ZNF12: variants seen among roughly 807,000 people sequenced by gnomAD.
ZNF12 encodes the protein gonadotropin inducible transcription repressor 3.
A neutral mutation model predicts 66.6 loss-of-function variants in ZNF12; 34 were observed. The observed-to-expected ratio is 0.51, with a 90% CI of 0.39 to 0.68. ZNF12 has a LOEUF of 0.68. ZNF12 is among the 30% of genes least tolerant of loss of function. The pLI, the probability that ZNF12 is intolerant of heterozygous loss-of-function variation, is 0.00. For missense variants in ZNF12, 697 were observed against 826.9 expected, an observed-to-expected ratio of 0.84 and a Z score of 1.93; for synonymous variants, 320 against 278.9, an observed-to-expected ratio of 1.15 and a Z score of -1.47.
intron 1 of ZNF12, 43 bp downstream of exon 1, chr7:6,706,389 A>C (rs1425715286): frequency 6.5e-6 from 3 of 459,884 alleles, no homozygotes; most frequent in Non-Finnish European, 1.3e-5. Context: ...CGGTGACTTC[A>C]CCCAGGCCCT....
In ZNF12 at chr7:6,698,010, C is replaced by CA. The variant is rs568050970; in HGVS notation, c.16-200dup. ...TATACATCAAACAAAAAACAAAAAA[C>CA]AAAAAAACAACACTGGGATTGCACG... On this transcript the variant is annotated intron_variant, in intron 2 of 4. Transcript: ENST00000405858. The surrounding 1 kb of genome is among the most constrained non-coding windows in gnomAD (Gnocchi z 4.4). The CA allele has an allele frequency of 5.6e-4, 441 of 789,476 alleles. 2 individuals are homozygous for CA. The highest frequency in any genetic ancestry group is 5.3e-3 in the African/African-American group (313 of 59,402). The allele number at this position is 789,476 out of a possible 1,614,324, so 48.9% of individuals were successfully genotyped here. A position where few individuals can be genotyped will look rare whatever the true frequency, so the allele number is the denominator to read the frequency against.
rs1353928913 is a variant in ZNF12 at position 6,696,274 on chromosome 7, T to C, written c.238+1065A>G. Among the ~76,000 whole-genome samples the C allele has an allele frequency of 6.6e-6, 1 of 152,172 alleles. No individual in the cohort carries two copies. The highest frequency in any genetic ancestry group is 1.5e-5 in the Non-Finnish European group (1 of 68,034). ...CAGTAATCCAGAGAGATCAGTAATA[T>C]CTGATGAGAATTTCAGTGGTTTCAC... On this transcript the variant is annotated intron_variant, in intron 4 of 4. Transcript: ENST00000405858. This position sits in a 1 kb window ranked among gnomAD's most constrained non-coding sequence, Gnocchi z 4.0.
chr7:6,701,169 G>C (rs956635267), intron 2 of ZNF12, among the ~76,000 whole-genome samples: 20 of 152,122 alleles, frequency 1.3e-4, no homozygotes, highest in African/African-American at 4.8e-4. Context: ...TCAGACTTCT[G>C]CTTCATCATC....
chr7:6,706,586 T>G lies in ZNF12; in HGVS notation c.-205A>C, dbSNP rs764169488. 1 of 458,382 alleles carries G rather than the reference T, an allele frequency of 2.2e-6. No homozygotes were observed. Among genetic ancestry groups the G allele is most frequent in the Admixed American group, 2.3e-5 (1 of 42,818 alleles). The allele number at this position is 458,382 out of a possible 1,614,324, so 28.4% of individuals were successfully genotyped here. A position where few individuals can be genotyped will look rare whatever the true frequency, so the allele number is the denominator to read the frequency against. On this transcript the variant is annotated 5_prime_UTR_variant, in exon 1 of 5. Transcript: ENST00000405858. ...GCCCGGGCCGGGCCTACGGGACAAA[T>G]CCAGGCGGGGCGTCCCTCCCGGAGC...
At chr7:6,695,375 A>T (rs1225299431) in intron 4 of ZNF12, among the ~76,000 whole-genome samples, 1 of 152,136 alleles carries the variant, frequency 6.6e-6, no homozygotes, top group Non-Finnish European at 1.5e-5. Flanking sequence ...TGACCCAGGC[A>T]TGCATTATTT....
chr7:6,700,336 C>CACACACATATAT (rs59783256), intron 2 of ZNF12, among the ~76,000 whole-genome samples: 22 of 143,070 alleles, frequency 1.5e-4, no homozygotes, highest in Admixed American at 3.5e-4. Flanking sequence ...CACACACACA[C>CACACACATATAT]ATATATATAC....
intron 2 of ZNF12, among the ~76,000 whole-genome samples, chr7:6,701,263 A>G (rs1459630556): frequency 1.3e-5 from 2 of 152,240 alleles, no homozygotes; most frequent in African/African-American, 2.4e-5. Flanking sequence ...TCCAAGGAGA[A>G]CATAAGCACC....
Position 6,692,461 on chromosome 7 carries a change from C to T in ZNF12, c.481G>A (p.Ala161Thr), listed in dbSNP as rs1421195146. Residue 161 changes from alanine to threonine, a missense_variant, in exon 5 of 5, where the codon GCA becomes ACA. This residue lies in a region of ZNF12 where 241 missense variants were observed against 224.0 expected (regional missense o/e 1.08). Transcript: ENST00000405858. This position sits in a 1 kb window ranked among gnomAD's most constrained non-coding sequence, Gnocchi z 5.1. ...CTACATTCATCAGCTTTCATTCTTG[C>T]ATAGCTTCCATCACTACTAATATAT... Reference protein sequence around the residue: ...SEYISSDGSYARMKADECSGC... With the variant: ...SEYISSDGSYTRMKADECSGC... The T allele has an allele frequency of 6.2e-7, 1 of 1,612,946 alleles. No individual in the cohort carries two copies. Among genetic ancestry groups the T allele is most frequent in the South Asian group, 1.1e-5 (1 of 90,826 alleles).
Position 6,692,041 on chromosome 7 carries a change from G to C in ZNF12, c.901C>G (p.Gln301Glu), listed in dbSNP as rs61731528. The C allele has an allele frequency of 0.031, 49,435 of 1,608,326 alleles. 887 individuals carry two copies. Among genetic ancestry groups the C allele is most frequent in the Middle Eastern group, 0.073 (442 of 6,046 alleles). Residue 301 changes from glutamine to glutamate, a missense_variant, in exon 5 of 5, where the codon CAG becomes GAG. Around this residue, in one of 3 missense-constraint regions of ZNF12, gnomAD observed 401 missense variants for 519.0 expected, o/e 0.77. Coordinates refer to ENST00000405858, the MANE Select transcript of ZNF12 (RefSeq NM_016265.4). The surrounding 1 kb of genome is among the most constrained non-coding windows in gnomAD (Gnocchi z 5.1). ...TTCTGGCAGAAGGATTTCCCACACT[G>C]ATTACATTCGTAAGGTTTCTCTCCT... ...HTGEKPYECNQCGKSFCQKGT... is the reference protein window; with the variant it reads ...HTGEKPYECNECGKSFCQKGT...
chr7:6,706,549 T>C lies in ZNF12; in HGVS notation c.-168A>G, dbSNP rs1404424800. On this transcript the variant is annotated 5_prime_UTR_variant, in exon 1 of 5. Transcript: ENST00000405858. ...CCTGTCCACCTCACCAAGGCCGTTC[T>C]GCTCCAGAGGGGCCCGGGCCGGGCC... is the stretch of plus-strand genomic sequence containing the variant. 1 of 470,414 alleles carries C rather than the reference T, an allele frequency of 2.1e-6. No individual in the cohort carries two copies. The highest frequency in any genetic ancestry group is 6.6e-5 in the East Asian group (1 of 15,106). The allele number at this position is 470,414 out of a possible 1,614,324, so 29.1% of individuals were successfully genotyped here.
chr7:6,700,326 C>CA (rs1780218414), intron 2 of ZNF12, among the ~76,000 whole-genome samples: 1 of 148,222 alleles, frequency 6.7e-6, no homozygotes, highest in Non-Finnish European at 1.5e-5. Flanking sequence ...CACACACACA[C>CA]ACACACACAC....
intron 2 of ZNF12, among the ~76,000 whole-genome samples, chr7:6,700,552 T>G (rs1282807113): frequency 1.3e-5 from 2 of 152,162 alleles, no homozygotes; most frequent in Non-Finnish European, 2.9e-5. Context: ...CTAGACACCC[T>G]TGAGTGTCAC....
At chr7:6,702,128 C>T (rs1399951157) in intron 2 of ZNF12, among the ~76,000 whole-genome samples, 2 of 152,100 alleles carry the variant, frequency 1.3e-5, no homozygotes, top group Non-Finnish European at 2.9e-5. Flanking sequence ...GGGCTGGACT[C>T]TTAACAGCAT....
chr7:6,699,089 G>A (rs899499887), intron 2 of ZNF12, among the ~76,000 whole-genome samples: 2 of 152,288 alleles, frequency 1.3e-5, no homozygotes, highest in African/African-American at 4.8e-5. Flanking sequence ...AGGTTATGTG[G>A]TTGTTATTTA....
chr7:6,691,936 G>C lies in ZNF12; in HGVS notation c.1006C>G (p.Gln336Glu), dbSNP rs1780074897. The change falls in exon 5 of 5, where the codon CAG becomes GAG. Residue 336 changes from glutamine (Q) to glutamate (E), a missense_variant. Transcript: ENST00000405858. ...TGATGCTGAATGAGGTGTAACTTCTGGTAAAAGTTCTTCCCACATTCATTA... is the reference window on the plus strand; with the variant it reads ...TGATGCTGAATGAGGTGTAACTTCTCGTAAAAGTTCTTCCCACATTCATTA... ...ECNECGKNFY[Q>E]KLHLIQHQRT... 6.2e-7 allele frequency: 1 copy of C among 1,613,998 alleles called. No homozygotes were observed. The highest frequency in any genetic ancestry group is 8.5e-7 in the Non-Finnish European group (1 of 1,180,016).
rs10548883 is a variant in ZNF12, at chr7:6,703,039, TACAC to T, written c.15+2116_15+2119del. Among the ~76,000 whole-genome samples, 1,142 of 133,614 alleles carry T rather than the reference TACAC, an allele frequency of 8.5e-3. 13 individuals carry two copies. Among genetic ancestry groups the T allele is most frequent in the African/African-American group, 0.026 (930 of 35,888 alleles). The allele number at this position is 133,614 out of a possible 152,430, so 87.7% of individuals were successfully genotyped here. The stretch of plus-strand genomic sequence containing the variant: ...AACACAGCTAACACAGCTCCCAAAC[TACAC>T]ACACACACACACACACACACACCCC... On this transcript the variant is annotated intron_variant, in intron 2 of 4. Coordinates refer to ENST00000405858, the MANE Select transcript of ZNF12 (RefSeq NM_016265.4).
chr7:6,690,565 G>T lies in ZNF12; in HGVS notation c.*283C>A. 3.5e-6 allele frequency: 1 copy of T among 283,920 alleles called. No individual in the cohort carries two copies. The highest frequency in any genetic ancestry group is 6.6e-6 in the Non-Finnish European group (1 of 152,648). The allele number at this position is 283,920 out of a possible 1,614,324, so 17.6% of individuals were successfully genotyped here. ...TACTGATAGATTTCCCCTTGGCTAT[G>T]ATTTCCCTGATATGCAAAACAGTTC... On this transcript the variant is annotated 3_prime_UTR_variant, in exon 5 of 5. Transcript: ENST00000405858.
chr7:6,695,083 C>T (rs1780134240), intron 4 of ZNF12, among the ~76,000 whole-genome samples: 1 of 152,156 alleles, frequency 6.6e-6, no homozygotes. Flanking sequence ...GCCACCAGGC[C>T]TGGCTAATTG....
intron 4 of ZNF12, among the ~76,000 whole-genome samples, chr7:6,694,605 T>C (rs1173792750): frequency 1.3e-5 from 2 of 152,202 alleles, no homozygotes; most frequent in African/African-American, 2.4e-5. Flanking sequence ...AGATAGGTCA[T>C]GATCTATCTC....
Sources: allele counts gnomAD v4.1 joint callset (sites outside exome capture counted in the v4.1 genomes callset), GRCh38; gene constraint gnomAD v4.1.1; regional missense constraint gnomAD v4.1.1; non-coding constraint Gnocchi (gnomAD v3.1); transcripts MANE v1.5; gene names NCBI Gene and HGNC (gene_info 2026-07-23, HGNC 2026-07-21).